The following SERINC5 variants were observed in gnomAD, a reference collection of about 807,000 sequenced individuals.
SERINC5 encodes serine incorporator 5.
Under a neutral mutation model 63.1 loss-of-function variants are expected in SERINC5, and 41 were observed. That is an observed-to-expected ratio of 0.65 (90% CI 0.51 to 0.84). The LOEUF (loss-of-function observed/expected upper bound fraction) is 0.84, where lower values mean the gene tolerates loss of function less well. Among genes scored for constraint, SERINC5 ranks in the 40% least tolerant of loss-of-function variants. The probability of loss-of-function intolerance (pLI) is 0.00; values close to 1 mark genes in which losing one functional copy is unlikely to be tolerated. For synonymous variants in SERINC5, 222 were observed against 215.2 expected (o/e 1.03, Z -0.28); for missense variants, 523 against 573.0 (o/e 0.91, Z 0.89).
At chr5:80,123,031 T>C (rs903853899) in intron 11 of SERINC5, among the ~76,000 whole-genome samples, 3 of 152,264 alleles carry the variant, frequency 2.0e-5, no homozygotes, top group African/African-American at 7.2e-5. Flanking sequence ...AAATTTATGT[T>C]GTTAAATTTG....
At chr5:80,244,199 G>C (rs1752065720) in intron 1 of SERINC5, among the ~76,000 whole-genome samples, 1 of 151,482 alleles carries the variant, frequency 6.6e-6, no homozygotes, top group South Asian at 2.1e-4. Context: ...GGAAACTGAG[G>C]CTGCCAAAAC....
chr5:80,130,563 A>ACTCAAAT (rs1377206041), intron 11 of SERINC5, among the ~76,000 whole-genome samples: 1 of 152,166 alleles, frequency 6.6e-6, no homozygotes. Flanking sequence ...AAGTTCAGAT[A>ACTCAAAT]CTCAAATCTC....
chr5:80,184,384 T>C (rs1748674031), intron 2 of SERINC5, among the ~76,000 whole-genome samples: 1 of 152,108 alleles, frequency 6.6e-6, no homozygotes. Flanking sequence ...TCTTTTTTCT[T>C]CCTCCAAAAT....
intron 1 of SERINC5, among the ~76,000 whole-genome samples, chr5:80,238,983 A>C (rs1580209913): frequency 6.6e-6 from 1 of 152,326 alleles, no homozygotes; most frequent in South Asian, 2.1e-4. Flanking sequence ...GGCATTGGAA[A>C]ATAGCAAAGG....
chr5:80,200,020 T>C (rs1038546925), intron 2 of SERINC5, among the ~76,000 whole-genome samples: 2 of 152,198 alleles, frequency 1.3e-5, no homozygotes, highest in Non-Finnish European at 2.9e-5. Flanking sequence ...CTAGCCAGCA[T>C]GGTGGCTCAC....
At position 80,131,882 on chromosome 5, in the gene SERINC5, A is replaced by G. The variant is rs986816450; in HGVS notation, c.1238+14208T>C. 1.1e-4 allele frequency among the ~76,000 whole-genome samples: 17 copies of G among 152,292 alleles called. No individual in the cohort carries two copies. In the South Asian group the frequency reaches 3.3e-3, roughly 30 times the overall value. ...ACGAACAGAATCTAGTTCTGTAACT[A>G]GATTCTGTAATACTGTAAATTCCAG... On this transcript the variant is annotated intron_variant, in intron 11 of 12. Transcript: ENST00000509193.
chr5:80,145,741 A>G (rs1262695514), intron 11 of SERINC5, among the ~76,000 whole-genome samples: 1 of 152,108 alleles, frequency 6.6e-6, no homozygotes, highest in Admixed American at 6.5e-5. Flanking sequence ...GTTAAAACTC[A>G]GAACTCGCTT....
At chr5:80,113,680 A>G in intron 11 of SERINC5, 1 of 215,934 alleles carries the variant, frequency 4.6e-6, no homozygotes, top group South Asian at 5.8e-5. Flanking sequence ...GAAAACCCTG[A>G]TAAACCCATC....
At chr5:80,232,556 C>T (rs920922377) in intron 1 of SERINC5, among the ~76,000 whole-genome samples, 4 of 151,732 alleles carry the variant, frequency 2.6e-5, no homozygotes, top group Admixed American at 6.6e-5. Context: ...GAGGCCAAGG[C>T]GGGTGGATCA....
intron 2 of SERINC5, among the ~76,000 whole-genome samples, chr5:80,178,837 A>G (rs1748228504): frequency 6.6e-6 from 1 of 152,088 alleles, no homozygotes; most frequent in South Asian, 2.1e-4. Flanking sequence ...GTATTAATTC[A>G]CATACATAAA....
chr5:80,143,861 A>G, intron 11 of SERINC5, 51 bp from the exon 12 acceptor site: 1 of 1,524,012 alleles, frequency 6.6e-7, no homozygotes, highest in Non-Finnish European at 8.8e-7. Context: ...ATATTGAGAT[A>G]CAATTCACTA....
Position 80,158,678 on chromosome 5 carries a change from A to G in SERINC5, c.986+158T>C, listed in dbSNP as rs563698907. The G allele has an allele frequency of 3.9e-5, 24 of 618,568 alleles. No homozygotes were observed. The South Asian group carries it at 5.6e-4, about 14-fold the overall frequency. The allele number at this position is 618,568 out of a possible 1,614,324, so 38.3% of individuals were successfully genotyped here. A position where few individuals can be genotyped will look rare whatever the true frequency, so the allele number is the denominator to read the frequency against. ...AAATAAAAACAAGTAAGGTGAACGA[A>G]GTTCAAATATGAGTTCACGCTCTTC... On this transcript the variant is annotated intron_variant, in intron 8 of 11. Transcript: ENST00000507668.
At chr5:80,149,902 G>C (rs1228125010) in intron 9 of SERINC5, among the ~76,000 whole-genome samples, 1 of 152,148 alleles carries the variant, frequency 6.6e-6, no homozygotes, top group Non-Finnish European at 1.5e-5. Flanking sequence ...CCTTGCTGTT[G>C]TTGGTAGATG....
chr5:80,219,373 T>C (rs1750802752), intron 1 of SERINC5, among the ~76,000 whole-genome samples: 1 of 152,192 alleles, frequency 6.6e-6, no homozygotes, highest in Non-Finnish European at 1.5e-5. Context: ...GCCTTCATCA[T>C]CCCTCAAACT....
At chr5:80,173,012 T>A (rs1176963622) in intron 5 of SERINC5, among the ~76,000 whole-genome samples, 1 of 152,100 alleles carries the variant, frequency 6.6e-6, no homozygotes, top group Non-Finnish European at 1.5e-5. Context: ...ACTTGGCACA[T>A]CCAGGCTAAG....
intron 1 of SERINC5, among the ~76,000 whole-genome samples, chr5:80,246,453 G>A (rs1319760482): frequency 6.6e-6 from 1 of 152,186 alleles, no homozygotes; most frequent in Non-Finnish European, 1.5e-5. Context: ...GGTTATGCAT[G>A]TGTTTTTCCT....
chr5:80,116,315 T>C (rs939034925), intron 11 of SERINC5: 18 of 456,068 alleles, frequency 3.9e-5, no homozygotes, highest in Non-Finnish European at 6.6e-5. Context: ...TCTTCAGCAT[T>C]GATAGTTTCT....
chr5:80,155,483 G>C (rs548213496), intron 8 of SERINC5, among the ~76,000 whole-genome samples: 1 of 150,558 alleles, frequency 6.6e-6, no homozygotes, highest in South Asian at 2.1e-4. Context: ...TGAGGCAGGA[G>C]AATCGCTTGA....
intron 1 of SERINC5, among the ~76,000 whole-genome samples, chr5:80,252,699 C>T (rs1752485126): frequency 6.6e-6 from 1 of 152,158 alleles, no homozygotes; most frequent in African/African-American, 2.4e-5. Flanking sequence ...ACAGACTTTA[C>T]ACTTATCATC....
Sources: allele counts gnomAD v4.1 joint callset (sites outside exome capture counted in the v4.1 genomes callset), GRCh38; gene constraint gnomAD v4.1.1; transcripts MANE v1.5; gene names NCBI Gene and HGNC (gene_info 2026-07-23, HGNC 2026-07-21).